The following NRXN2 variants were observed in gnomAD, a reference collection of about 807,000 sequenced individuals.
NRXN2 encodes the protein neurexin-2-beta.
A neutral mutation model predicts 128.8 loss-of-function variants in NRXN2; 29 were observed. That is an observed-to-expected ratio of 0.23 (90% CI 0.17 to 0.31). The LOEUF is 0.31. Among genes scored for constraint, NRXN2 ranks in the 10% least tolerant of loss-of-function variants. NRXN2 has a pLI of 1.00. For synonymous variants in NRXN2, 1,098 were observed against 1,075.2 expected (o/e 1.02, Z -0.41); for missense variants, 1,881 against 2,452.6 (o/e 0.77, Z 4.92).
chr11:64,652,637 C>T (rs61884409), intron 12 of NRXN2, among the ~76,000 whole-genome samples: 4 of 152,168 alleles, frequency 2.6e-5, no homozygotes, highest in Admixed American at 6.5e-5. Context: ...AATGTAAATG[C>T]GAGCCCACAG....
chr11:64,694,473 G>A (rs2054231072), intron 3 of NRXN2, among the ~76,000 whole-genome samples: 1 of 152,246 alleles, frequency 6.6e-6, no homozygotes, highest in Admixed American at 6.5e-5. Flanking sequence ...GGACCCCGTG[G>A]CAGATGGTTC....
Position 64,714,177 on chromosome 11 carries a change from A to T in NRXN2, c.-244-234T>A, listed in dbSNP as rs2057206935. On this transcript the variant is annotated intron_variant, in intron 1 of 22. Coordinates refer to ENST00000265459, the MANE Select transcript of NRXN2 (RefSeq NM_015080.4). The surrounding 1 kb of genome is among the most constrained non-coding windows in gnomAD (Gnocchi z 4.5). ...GGCAGCATTGGTTTGAGATGTGGACAGGGAGAGGTGACACGTTCGAGCCCG... is the reference window on the plus strand; with the variant it reads ...GGCAGCATTGGTTTGAGATGTGGACTGGGAGAGGTGACACGTTCGAGCCCG... 6.6e-6 allele frequency among the ~76,000 whole-genome samples: 1 copy of T among 150,630 alleles called. No homozygotes were observed. The highest frequency in any genetic ancestry group is 2.1e-4 in the South Asian group (1 of 4,708).
At chr11:64,665,189 G>A (rs1399286841) in intron 9 of NRXN2, among the ~76,000 whole-genome samples, 2 of 151,456 alleles carry the variant, frequency 1.3e-5, no homozygotes, top group East Asian at 1.9e-4. Flanking sequence ...GCTGAGGCAG[G>A]AGAATTGCTT....
chr11:64,703,747 T>G (rs1331101754), intron 2 of NRXN2, among the ~76,000 whole-genome samples: 1 of 152,156 alleles, frequency 6.6e-6, no homozygotes, highest in East Asian at 1.9e-4. Context: ...AAGTCCCACC[T>G]CCTCCTTGAA....
intron 1 of NRXN2, among the ~76,000 whole-genome samples, chr11:64,720,187 G>A (rs2057399168): frequency 6.6e-6 from 1 of 152,246 alleles, no homozygotes; most frequent in South Asian, 2.1e-4. Context: ...GGTGGTGGCA[G>A]TGGGGAAGCA....
chr11:64,669,318 T>C (rs1250859171), intron 7 of NRXN2, among the ~76,000 whole-genome samples: 1 of 152,196 alleles, frequency 6.6e-6, no homozygotes, highest in African/African-American at 2.4e-5. Context: ...TCTCCTTATA[T>C]TCAGGTCACT....
At chr11:64,638,835 G>T (rs1171559282) in intron 17 of NRXN2, among the ~76,000 whole-genome samples, 1 of 152,102 alleles carries the variant, frequency 6.6e-6, no homozygotes, top group East Asian at 1.9e-4. Flanking sequence ...TTCTGCCCAT[G>T]TCCAATATAG....
At position 64,616,574 on chromosome 11, in the gene NRXN2, G is replaced by A. The variant is rs973787484; in HGVS notation, c.4252+3720C>T. Among the ~76,000 whole-genome samples the A allele has an allele frequency of 2.2e-4, 33 of 152,216 alleles. 1 individual carries two copies. The highest frequency in any genetic ancestry group is 7.9e-4 in the African/African-American group (33 of 41,510). On this transcript the variant is annotated intron_variant, in intron 22 of 22. Transcript: ENST00000265459. Reference sequence around the variant, plus strand: ...CAGATGTATAATCTGTGAGTCCGAGGGCGTGTCACAAGGTATATGTCTCAC... The same window carrying A: ...CAGATGTATAATCTGTGAGTCCGAGAGCGTGTCACAAGGTATATGTCTCAC...
chr11:64,636,625 G>A (rs2044761825), intron 17 of NRXN2, among the ~76,000 whole-genome samples: 3 of 152,144 alleles, frequency 2.0e-5, no homozygotes, highest in Non-Finnish European at 4.4e-5. Flanking sequence ...AGGGGTTCAA[G>A]GGAGGACTTA....
chr11:64,713,694 C>T lies in NRXN2; in HGVS notation c.6G>A (p.Ala2=), dbSNP rs2057175860. 10 of 1,121,196 alleles carry T rather than the reference C, an allele frequency of 8.9e-6. No homozygotes were observed. Among genetic ancestry groups the T allele is most frequent in the Non-Finnish European group, 1.1e-5 (10 of 920,558 alleles). The allele number at this position is 1,121,196 out of a possible 1,614,324, so 69.5% of individuals were successfully genotyped here. Residue 2 remains alanine, a synonymous_variant, in exon 2 of 23, where the codon GCG becomes GCA. Coordinates refer to ENST00000265459, the MANE Select transcript of NRXN2 (RefSeq NM_015080.4). ...GTGTCGGCCGCCACCGGCTCCCGGA[C>T]GCCATGCCTACGGCGGCCCCGGCCC... M[A]SGSRWRPTPP...
chr11:64,637,364 TG>T (rs1462958247), intron 17 of NRXN2: 1 of 152,172 alleles, frequency 6.6e-6, no homozygotes, highest in Non-Finnish European at 1.5e-5. Flanking sequence ...TGGCTGACAG[TG>T]GGGTATGCAG....
At position 64,723,151 on chromosome 11, in the gene NRXN2, C is replaced by T. The variant is rs1298587180; in HGVS notation, c.-425G>A. 6.8e-6 allele frequency: 1 copy of T among 148,052 alleles called. No homozygotes were observed. The highest frequency in any genetic ancestry group is 1.5e-5 in the Non-Finnish European group (1 of 66,456). 9.2% of individuals were successfully genotyped at this position (148,052 alleles called of 1,614,324 possible). On this transcript the variant is annotated 5_prime_UTR_variant, in exon 1 of 23. Transcript: ENST00000265459. ...GTGCCTCTCCGAGGAGGATGCTCCG[C>T]GAGTCAGGGCGGCTGCTCCCGCCGC...
intron 1 of NRXN2, among the ~76,000 whole-genome samples, chr11:64,718,466 G>A (rs920538986): frequency 6.6e-6 from 1 of 152,230 alleles, no homozygotes; most frequent in African/African-American, 2.4e-5. Context: ...GCCCCAGAAG[G>A]CAGCCCGTGG....
At chr11:64,681,301 C>T (rs993343568) in intron 6 of NRXN2, among the ~76,000 whole-genome samples, 1 of 152,048 alleles carries the variant, frequency 6.6e-6, no homozygotes, top group Non-Finnish European at 1.5e-5. Flanking sequence ...AGGAAAACAA[C>T]TACAAACACT....
intron 15 of NRXN2, among the ~76,000 whole-genome samples, chr11:64,649,706 G>C (rs967950862): frequency 2.0e-5 from 3 of 152,196 alleles, no homozygotes; most frequent in African/African-American, 7.2e-5. Context: ...CCCTCCCCAA[G>C]CTCTGACAGT....
chr11:64,652,931 C>A lies in NRXN2; in HGVS notation c.2416+765G>T, dbSNP rs114819524. On this transcript the variant is annotated intron_variant, in intron 12 of 22. Transcript: ENST00000265459. ...CACTCTCTGGTCATCCCTGCCCCCCCACCCCGAGGGCTCCAGCACGCACAC... is the reference window on the plus strand; with the variant it reads ...CACTCTCTGGTCATCCCTGCCCCCCAACCCCGAGGGCTCCAGCACGCACAC... 7.9e-3 allele frequency among the ~76,000 whole-genome samples: 1,207 copies of A among 152,122 alleles called. 16 individuals carry two copies. The highest frequency in any genetic ancestry group is 0.026 in the African/African-American group (1,094 of 41,502).
At chr11:64,673,863 C>A (rs1215486144) in intron 7 of NRXN2, among the ~76,000 whole-genome samples, 1 of 151,982 alleles carries the variant, frequency 6.6e-6, no homozygotes. Flanking sequence ...CACGGTGAAA[C>A]CCTGTCTCTA....
intron 2 of NRXN2, among the ~76,000 whole-genome samples, chr11:64,702,371 G>A (rs2055601373): frequency 6.6e-6 from 1 of 152,118 alleles, no homozygotes; most frequent in African/African-American, 2.4e-5. Flanking sequence ...GGGGAAAGGT[G>A]GGGAAAAGAT....
intron 20 of NRXN2, among the ~76,000 whole-genome samples, chr11:64,624,447 A>T (rs2042819366): frequency 6.6e-6 from 1 of 152,146 alleles, no homozygotes; most frequent in Admixed American, 6.5e-5. Flanking sequence ...GCCCATTACT[A>T]ATGGCCAAGA....
Sources: gnomAD v4.1 joint callset for allele counts (sites outside exome capture counted in the v4.1 genomes callset) on GRCh38, gnomAD v4.1.1 for gene constraint, Gnocchi (gnomAD v3.1) non-coding constraint, MANE v1.5 for transcripts, NCBI Gene and HGNC (gene_info 2026-07-23, HGNC 2026-07-21) for gene names.